The following MYCBP2 variants were observed in gnomAD, a reference collection of about 807,000 sequenced individuals.
MYCBP2 encodes the protein MYC binding protein 2, also known as E3 ubiquitin-protein ligase MYCBP2.
In MYCBP2, 120 loss-of-function variants were observed where a neutral mutation model predicts 525.3. That is an observed-to-expected ratio of 0.23 (90% CI 0.20 to 0.27). The LOEUF (loss-of-function observed/expected upper bound fraction) is 0.27. MYCBP2 is among the 10% of genes least tolerant of loss of function. The pLI is 1.00. For missense variants in MYCBP2, 4,149 were observed against 5,657.1 expected, an observed-to-expected ratio of 0.73 and a Z score of 8.55; for synonymous variants, 1,894 against 1,955.8, an observed-to-expected ratio of 0.97 and a Z score of 0.83.
chr13:77,177,272 A>G (rs1346033946), intron 35 of MYCBP2, among the ~76,000 whole-genome samples: 1 of 151,788 alleles, frequency 6.6e-6, no homozygotes, highest in Non-Finnish European at 1.5e-5. Context: ...GTAGTGACCC[A>G]AGGTGGAAAG....
At chr13:77,095,191 A>G (rs111469217) in intron 58 of MYCBP2, among the ~76,000 whole-genome samples, 167 bp downstream of exon 58, 2,198 of 152,234 alleles carry the variant, frequency 0.014, 21 homozygotes, top group Middle Eastern at 0.024. Flanking sequence ...TATTACCATA[A>G]AGTCATTATG....
intron 55 of MYCBP2, chr13:77,099,216 A>C (rs1226403215): frequency 1.4e-6 from 1 of 707,904 alleles, no homozygotes; most frequent in Non-Finnish European, 2.2e-6. Context: ...ATTACCACCA[A>C]AAACTATTTT....
chr13:77,162,044 T>A lies in MYCBP2; in HGVS notation c.6548-89A>T, dbSNP rs568601798. Reference sequence around the variant, plus strand: ...TCCTTTGCATTCATTACACTTTTTTTAAAAAAATAATTCTGCTATTCCAGA... The same window carrying A: ...TCCTTTGCATTCATTACACTTTTTTAAAAAAAATAATTCTGCTATTCCAGA... On this transcript the variant is annotated intron_variant, in intron 43 of 82. Coordinates refer to ENST00000544440, the MANE Select transcript of MYCBP2 (RefSeq NM_015057.5). The A allele has an allele frequency of 7.1e-4, 630 of 881,970 alleles. 7 individuals carry two copies. In the South Asian group the frequency reaches 7.8e-3, roughly 11 times the overall value. 54.6% of individuals were successfully genotyped at this position (881,970 alleles called of 1,614,324 possible).
chr13:77,312,848 T>C (rs907699392), intron 1 of MYCBP2, among the ~76,000 whole-genome samples: 1 of 151,968 alleles, frequency 6.6e-6, no homozygotes, highest in African/African-American at 2.4e-5. Flanking sequence ...CAAGGTTCTA[T>C]ACTAGTTGCC....
intron 74 of MYCBP2, 44 bp downstream of exon 74, chr13:77,062,552 T>C (rs1208911441): frequency 6.6e-7 from 1 of 1,516,710 alleles, no homozygotes; most frequent in East Asian, 2.3e-5. Flanking sequence ...TAAAGCTTAC[T>C]GTAAAGGAAA....
chr13:77,298,763 A>G (rs892632929), intron 1 of MYCBP2, among the ~76,000 whole-genome samples: 1 of 152,240 alleles, frequency 6.6e-6, no homozygotes. Flanking sequence ...TATGTGGATG[A>G]GATTTCCACA....
chr13:77,120,435 T>A (rs1420118445), intron 55 of MYCBP2, among the ~76,000 whole-genome samples: 2 of 152,238 alleles, frequency 1.3e-5, no homozygotes, highest in African/African-American at 4.8e-5. Flanking sequence ...ATATTCCTTA[T>A]ACATTTTGTT....
At chr13:77,099,098 CAT>C in intron 55 of MYCBP2, 85 bp from the exon 56 acceptor site, 1 of 1,512,834 alleles carries the variant, frequency 6.6e-7, no homozygotes, top group Non-Finnish European at 8.9e-7. Context: ...AATAAAAAAA[CAT>C]AGCTACAAAA....
intron 60 of MYCBP2, among the ~76,000 whole-genome samples, chr13:77,089,757 G>A (rs922617434): frequency 6.6e-6 from 1 of 151,758 alleles, no homozygotes; most frequent in African/African-American, 2.4e-5. Flanking sequence ...TTGGGGTGGA[G>A]AGATAACTGT....
At chr13:77,094,876 G>A (rs1031193532) in intron 58 of MYCBP2, among the ~76,000 whole-genome samples, 10 of 152,106 alleles carry the variant, frequency 6.6e-5, no homozygotes, top group Admixed American at 6.6e-4. Flanking sequence ...TCACTAACAT[G>A]TCTGACTTGA....
chr13:77,190,264 T>A lies in MYCBP2; in HGVS notation c.4142A>T (p.Gln1381Leu). Residue 1381 changes from glutamine (Q) to leucine (L), a missense_variant, in exon 29 of 83, where the codon CAG becomes CTG. Physicochemically the swap from Gln to Leu is moderately radical, Grantham distance 113 (BLOSUM62 -2). Coordinates refer to ENST00000544440, the MANE Select transcript of MYCBP2 (RefSeq NM_015057.5). ...ATATGCTAAATACCTGTATAATAAC[T>A]GAGGTATCTGACCCGCATTAACATC... ...GTDVNAGQIP[Q>L]LLYRLPTSDG... 2 of 1,599,148 alleles carry A rather than the reference T, an allele frequency of 1.3e-6. No individual in the cohort carries two copies. Among genetic ancestry groups the A allele is most frequent in the Non-Finnish European group, 1.7e-6 (2 of 1,167,994 alleles).
intron 55 of MYCBP2, among the ~76,000 whole-genome samples, chr13:77,111,496 A>G (rs2048816332): frequency 6.7e-6 from 1 of 149,928 alleles, no homozygotes; most frequent in South Asian, 2.1e-4. Context: ...TGCTCACTGC[A>G]GCCTCAAACT....
intron 17 of MYCBP2, among the ~76,000 whole-genome samples, chr13:77,242,211 T>A (rs2068963503): frequency 6.6e-6 from 1 of 152,176 alleles, no homozygotes; most frequent in African/African-American, 2.4e-5. Flanking sequence ...CCTGCCAGGT[T>A]CAAGTGATTC....
At chr13:77,316,755 G>C (rs1400406119) in intron 1 of MYCBP2, among the ~76,000 whole-genome samples, 1 of 152,060 alleles carries the variant, frequency 6.6e-6, no homozygotes, top group Non-Finnish European at 1.5e-5. Context: ...TGTTGGTCCA[G>C]GTGGCTGACT....
chr13:77,078,662 C>A (rs898943058), intron 66 of MYCBP2, among the ~76,000 whole-genome samples, 162 bp downstream of exon 66: 1 of 152,084 alleles, frequency 6.6e-6, no homozygotes, highest in Non-Finnish European at 1.5e-5. Flanking sequence ...ATGGTGGTTA[C>A]TATTCCTATG....
intron 52 of MYCBP2, 109 bp downstream of exon 52, chr13:77,139,086 AG>A: frequency 8.4e-7 from 1 of 1,197,384 alleles, no homozygotes; most frequent in Admixed American, 2.3e-5. Context: ...TGTAAAGTAA[AG>A]GTTACTTAGT....
intron 46 of MYCBP2, among the ~76,000 whole-genome samples, chr13:77,153,411 C>T (rs532696629): frequency 2.0e-5 from 3 of 152,328 alleles, no homozygotes; most frequent in East Asian, 1.9e-4. Flanking sequence ...ACGACACCCA[C>T]GTCCCAAGTC....
chr13:77,079,968 A>C (rs1184315297), intron 65 of MYCBP2, among the ~76,000 whole-genome samples: 1 of 152,220 alleles, frequency 6.6e-6, no homozygotes, highest in African/African-American at 2.4e-5. Context: ...TAGAAAAGAC[A>C]GAAGTGTTAA....
At chr13:77,149,499 C>T (rs940527038) in intron 47 of MYCBP2, among the ~76,000 whole-genome samples, 1 of 151,950 alleles carries the variant, frequency 6.6e-6, no homozygotes, top group South Asian at 2.1e-4. Context: ...TCTTCATTCA[C>T]CATAGAAGGT....
Sources: gnomAD v4.1 joint callset for allele counts (sites outside exome capture counted in the v4.1 genomes callset) on GRCh38, gnomAD v4.1.1 for gene constraint, MANE v1.5 for transcripts, NCBI Gene and HGNC (gene_info 2026-07-23, HGNC 2026-07-21) for gene names.